The following CFAP54 variants were observed in gnomAD, a reference collection of about 807,000 sequenced individuals.
CFAP54 encodes cilia and flagella associated protein 54, also known as cilia- and flagella-associated protein 54.
Under a neutral mutation model 370.4 loss-of-function variants are expected in CFAP54, and 290 were observed. The observed-to-expected ratio is 0.78, with a 90% CI of 0.71 to 0.86. The LOEUF is 0.86. CFAP54 is among the 40% of genes least tolerant of loss of function. CFAP54 has a pLI of 0.00. For synonymous variants in CFAP54, 1,206 were observed against 1,236.5 expected (o/e 0.98, Z 0.52); for missense variants, 3,399 against 3,528.7 (o/e 0.96, Z 0.93).
At chr12:96,541,579 C>T (rs1592841373) in intron 14 of CFAP54, among the ~76,000 whole-genome samples, 1 of 152,142 alleles carries the variant, frequency 6.6e-6, no homozygotes, top group African/African-American at 2.4e-5. Context: ...AGCCACTGCA[C>T]CCAACCACCT....
intron 65 of CFAP54, among the ~76,000 whole-genome samples, chr12:96,819,465 AATTAT>A (rs769577909): frequency 9.9e-5 from 15 of 152,186 alleles, no homozygotes; most frequent in Non-Finnish European, 1.8e-4. Flanking sequence ...GAAAGCCAGA[AATTAT>A]TGTTTTTTCT....
intron 64 of CFAP54, among the ~76,000 whole-genome samples, chr12:96,813,187 T>C (rs1184108602): frequency 6.6e-6 from 1 of 152,226 alleles, no homozygotes; most frequent in Non-Finnish European, 1.5e-5. Context: ...CAAAAAGTTT[T>C]GAATTTTGGT....
At chr12:96,843,557 A>C (rs1247676319) in intron 66 of CFAP54, among the ~76,000 whole-genome samples, 2 of 152,198 alleles carry the variant, frequency 1.3e-5, no homozygotes, top group Admixed American at 1.3e-4. Flanking sequence ...TCTCAGTGGC[A>C]ATAAAGGGTT....
intron 39 of CFAP54, among the ~76,000 whole-genome samples, chr12:96,676,753 C>G (rs1957213746): frequency 6.6e-6 from 1 of 151,968 alleles, no homozygotes; most frequent in Non-Finnish European, 1.5e-5. Context: ...ACCTTGTCTC[C>G]TGACCTGAGG....
At chr12:96,583,035 A>G (rs934947882) in intron 22 of CFAP54, among the ~76,000 whole-genome samples, 3 of 152,178 alleles carry the variant, frequency 2.0e-5, no homozygotes, top group Non-Finnish European at 4.4e-5. Flanking sequence ...AATATTTGAT[A>G]GTAAAGCATG....
intron 64 of CFAP54, among the ~76,000 whole-genome samples, chr12:96,815,398 GTTGT>G (rs142870123): frequency 0.43 from 65,534 of 151,266 alleles, 14,511 homozygotes; most frequent in African/African-American, 0.5. Flanking sequence ...CTTTGATGGG[GTTGT>G]TTGTTTTTTT....
rs114011635 is a variant in CFAP54 at position 96,651,789 on chromosome 12, C to G, written c.5074C>G (p.Gln1692Glu). 7.5e-4 allele frequency: 1,209 copies of G among 1,602,496 alleles called. 12 individuals carry two copies. The African/African-American group carries it at 0.015, about 19-fold the overall frequency. Reference protein sequence around the residue: ...GAELLIDMLIQLQNTSSIKPI... With the variant: ...GAELLIDMLIELQNTSSIKPI... ...AGAATTACTTATTGACATGTTAATA[C>G]AACTACAAAATACCAGTTCTATTAA... Residue 1692 changes from glutamine (Q) to glutamate (E), a missense_variant, in exon 36 of 68, where the codon CAA becomes GAA. Physicochemically the swap from Gln to Glu is conservative, Grantham distance 29 (BLOSUM62 2). Transcript: ENST00000524981.
chr12:96,570,315 CT>C (rs111559723), intron 19 of CFAP54, among the ~76,000 whole-genome samples: 31,933 of 142,772 alleles, frequency 0.22, 3,592 homozygotes, highest in South Asian at 0.35. Flanking sequence ...TTTTTCTTTT[CT>C]TTTTTTTTTT....
intron 60 of CFAP54, among the ~76,000 whole-genome samples, chr12:96,770,114 C>T (rs1236669051): frequency 6.6e-6 from 1 of 152,052 alleles, no homozygotes; most frequent in Admixed American, 6.6e-5. Context: ...TGGTATATTA[C>T]TACTCAAATC....
chr12:96,757,848 T>C (rs2136661993), intron 58 of CFAP54, among the ~76,000 whole-genome samples: 1 of 152,284 alleles, frequency 6.6e-6, no homozygotes, highest in African/African-American at 2.4e-5. Flanking sequence ...TACATAAATA[T>C]ATACTTAATA....
chr12:96,760,733 T>C (rs557349641), intron 58 of CFAP54, among the ~76,000 whole-genome samples: 63 of 152,338 alleles, frequency 4.1e-4, no homozygotes, highest in African/African-American at 1.5e-3. Flanking sequence ...TTATGCCTGC[T>C]TCTTTCACCC....
At chr12:96,546,997 A>G (rs1285148987) in intron 14 of CFAP54, among the ~76,000 whole-genome samples, 3 of 152,172 alleles carry the variant, frequency 2.0e-5, no homozygotes, top group East Asian at 1.9e-4. Flanking sequence ...AGCATAATCC[A>G]TTTATAAATT....
At chr12:96,532,131 A>G (rs1224921821) in intron 9 of CFAP54, among the ~76,000 whole-genome samples, 1 of 152,184 alleles carries the variant, frequency 6.6e-6, no homozygotes, top group East Asian at 1.9e-4. Flanking sequence ...CTGAGAGAAC[A>G]CTTTCACTTA....
In CFAP54 at chr12:96,626,960, TATA is replaced by T. The variant is rs554541117; in HGVS notation, c.4103+22_4103+24del. 733 of 1,290,464 alleles carry T rather than the reference TATA, an allele frequency of 5.7e-4. 4 individuals are homozygous for T. In the African/African-American group the frequency reaches 8.8e-3, roughly 15 times the overall value. 79.9% of individuals were successfully genotyped at this position (1,290,464 alleles called of 1,614,324 possible). ...AAAAGGTACTTGCAATTATCAGTGT[TATA>T]CATGTTAACAACTTTAAAAAATGAA... On this transcript the variant is annotated intron_variant, in intron 30 of 67. Coordinates refer to ENST00000524981, the MANE Select transcript of CFAP54 (RefSeq NM_001306084.2).
intron 60 of CFAP54, among the ~76,000 whole-genome samples, chr12:96,774,356 T>G (rs1958494150): frequency 6.6e-6 from 1 of 152,152 alleles, no homozygotes. Flanking sequence ...TCTGTCATAG[T>G]TAGAAAAGTC....
At chr12:96,673,857 C>T (rs1301638054) in intron 39 of CFAP54, among the ~76,000 whole-genome samples, 4 of 152,158 alleles carry the variant, frequency 2.6e-5, no homozygotes, top group Non-Finnish European at 5.9e-5. Flanking sequence ...ATTTGGTGTA[C>T]TCATTATTTA....
At chr12:96,810,174 C>G (rs900210021) in intron 63 of CFAP54, among the ~76,000 whole-genome samples, 2 of 151,980 alleles carry the variant, frequency 1.3e-5, no homozygotes, top group Non-Finnish European at 2.9e-5. Context: ...GCCTCCAGTT[C>G]CTGAGCTTCT....
intron 47 of CFAP54, among the ~76,000 whole-genome samples, chr12:96,706,849 G>C (rs1186442337): frequency 6.6e-6 from 1 of 152,038 alleles, no homozygotes; most frequent in African/African-American, 2.4e-5. Flanking sequence ...ACTGAGTTTA[G>C]AGATGTTGAG....
At chr12:96,761,796 TA>T (rs1270825180) in intron 58 of CFAP54, among the ~76,000 whole-genome samples, 1 of 152,218 alleles carries the variant, frequency 6.6e-6, no homozygotes, top group Non-Finnish European at 1.5e-5. Context: ...AAATTAATTA[TA>T]AATGCAAATG....
Sources: allele counts gnomAD v4.1 joint callset (sites outside exome capture counted in the v4.1 genomes callset), GRCh38; gene constraint gnomAD v4.1.1; transcripts MANE v1.5; gene names NCBI Gene and HGNC (gene_info 2026-07-23, HGNC 2026-07-21).